AGBL4: variants seen among roughly 807,000 people sequenced by gnomAD.
AGBL4 encodes the protein cytosolic carboxypeptidase 6.
A neutral mutation model predicts 66.4 loss-of-function variants in AGBL4; 58 were observed. That is an observed-to-expected ratio of 0.87 (90% CI 0.71 to 1.09). The LOEUF (loss-of-function observed/expected upper bound fraction) is 1.09. AGBL4 is among the 50% of genes least tolerant of loss of function. The pLI, the probability that AGBL4 is intolerant of heterozygous loss-of-function variation, is 0.00. For synonymous variants in AGBL4, 234 were observed against 222.9 expected (o/e 1.05, Z -0.44); for missense variants, 579 against 631.0 (o/e 0.92, Z 0.88).
At chr1:49,900,041 CA>C (rs201984526) in intron 1 of AGBL4, among the ~76,000 whole-genome samples, 9 of 146,172 alleles carry the variant, frequency 6.2e-5, no homozygotes, top group Non-Finnish European at 9.1e-5. Context: ...GACTCCATCT[CA>C]AAAAAAAAAG....
chr1:49,738,419 G>C (rs1412944741), intron 2 of AGBL4, among the ~76,000 whole-genome samples: 3 of 152,236 alleles, frequency 2.0e-5, no homozygotes, highest in African/African-American at 7.2e-5. Context: ...AGCTCAAACT[G>C]GGTGGAGCCC....
At chr1:48,626,738 C>T (rs1356156572) in intron 9 of AGBL4, among the ~76,000 whole-genome samples, 2 of 152,208 alleles carry the variant, frequency 1.3e-5, no homozygotes, top group African/African-American at 4.8e-5. Flanking sequence ...TACTGCCACA[C>T]AGTTTCAGCT....
intron 9 of AGBL4, among the ~76,000 whole-genome samples, chr1:48,625,539 C>G (rs1202761441): frequency 3.9e-5 from 6 of 152,220 alleles, no homozygotes; most frequent in East Asian, 3.9e-4. Flanking sequence ...TACGTAAAGT[C>G]TATTCTCATA....
chr1:48,632,318 A>G (rs909438465), intron 9 of AGBL4, among the ~76,000 whole-genome samples: 21 of 152,204 alleles, frequency 1.4e-4, no homozygotes. Flanking sequence ...TCATGACGCA[A>G]ATCATTTCCT....
chr1:49,111,269 C>A (rs542475934), intron 4 of AGBL4, among the ~76,000 whole-genome samples: 1 of 152,218 alleles, frequency 6.6e-6, no homozygotes, highest in South Asian at 2.1e-4. Flanking sequence ...CCTGCCACCA[C>A]GCCCGGCTAA....
At chr1:48,869,704 A>C (rs964105138) in intron 5 of AGBL4, among the ~76,000 whole-genome samples, 1 of 152,150 alleles carries the variant, frequency 6.6e-6, no homozygotes, top group Non-Finnish European at 1.5e-5. Context: ...GCAACCAGGT[A>C]GTGTGCTTAC....
At chr1:48,927,863 C>T (rs1654721089) in intron 5 of AGBL4, among the ~76,000 whole-genome samples, 1 of 152,200 alleles carries the variant, frequency 6.6e-6, no homozygotes, top group Non-Finnish European at 1.5e-5. Flanking sequence ...ACTGTCTCTC[C>T]AGGTACTCTT....
intron 5 of AGBL4, among the ~76,000 whole-genome samples, chr1:48,982,100 C>A (rs1659820310): frequency 6.6e-6 from 1 of 152,096 alleles, no homozygotes. Flanking sequence ...TGTTTGGGAC[C>A]CAACAAGTAG....
intron 2 of AGBL4, among the ~76,000 whole-genome samples, chr1:49,831,399 GCTCT>G (rs1470788858): frequency 6.6e-6 from 1 of 152,002 alleles, no homozygotes; most frequent in Non-Finnish European, 1.5e-5. Context: ...TTATGATTTG[GCTCT>G]CTGTTTGTCT....
chr1:49,601,567 A>C (rs1457067828), intron 3 of AGBL4, among the ~76,000 whole-genome samples: 2 of 152,156 alleles, frequency 1.3e-5, no homozygotes, highest in Non-Finnish European at 2.9e-5. Context: ...CAACCATGTG[A>C]TCTGTGACAA....
At chr1:49,528,423 C>T (rs1418072500) in intron 3 of AGBL4, among the ~76,000 whole-genome samples, 2 of 151,776 alleles carry the variant, frequency 1.3e-5, no homozygotes, top group Admixed American at 1.3e-4. Flanking sequence ...TGTTAGTGTC[C>T]CCAACTGTTC....
At chr1:49,109,087 T>C (rs771929033) in intron 4 of AGBL4, among the ~76,000 whole-genome samples, 11 of 152,176 alleles carry the variant, frequency 7.2e-5, no homozygotes, top group Non-Finnish European at 1.5e-4. Flanking sequence ...AAACTTTACC[T>C]AAAGCCCTAT....
At chr1:48,569,889 C>T (rs1294621397) in intron 11 of AGBL4, among the ~76,000 whole-genome samples, 1 of 152,190 alleles carries the variant, frequency 6.6e-6, no homozygotes, top group Non-Finnish European at 1.5e-5. Context: ...TTACCTAGAA[C>T]ATCTTAATCT....
At chr1:49,846,387 C>A (rs1405397207) in intron 2 of AGBL4, 30 of 1,539,932 alleles carry the variant, frequency 1.9e-5, no homozygotes, top group Non-Finnish European at 2.7e-5. Context: ...CACCAGAGAA[C>A]TCACACTGGA....
chr1:49,577,532 G>A (rs2148878931), intron 3 of AGBL4, among the ~76,000 whole-genome samples: 1 of 152,266 alleles, frequency 6.6e-6, no homozygotes, highest in East Asian at 1.9e-4. Context: ...AAAAAGCAGA[G>A]GTTTGTCCTC....
chr1:49,177,949 A>T (rs1031812311), intron 4 of AGBL4, among the ~76,000 whole-genome samples: 14 of 152,190 alleles, frequency 9.2e-5, no homozygotes, highest in African/African-American at 3.4e-4. Flanking sequence ...GCAGGCCTAC[A>T]TCTTCAGGTT....
At chr1:48,646,504 C>A (rs1645837138) in intron 8 of AGBL4, among the ~76,000 whole-genome samples, 1 of 112,280 alleles carries the variant, frequency 8.9e-6, no homozygotes, top group Non-Finnish European at 1.9e-5. Flanking sequence ...GGTAGGTAGA[C>A]CAGTTATAAT....
At chr1:48,629,187 A>G (rs1230049107) in intron 9 of AGBL4, among the ~76,000 whole-genome samples, 1 of 152,172 alleles carries the variant, frequency 6.6e-6, no homozygotes, top group African/African-American at 2.4e-5. Context: ...GCCCATTCAC[A>G]TATGGGCTTA....
At chr1:49,272,249 T>TA (rs910688679) in intron 3 of AGBL4, among the ~76,000 whole-genome samples, 17 of 152,282 alleles carry the variant, frequency 1.1e-4, no homozygotes, top group Middle Eastern at 3.4e-3. Flanking sequence ...TCCTTGATTT[T>TA]AAAAAATCTA....
Sources: gnomAD v4.1 joint callset for allele counts (sites outside exome capture counted in the v4.1 genomes callset) on GRCh38, gnomAD v4.1.1 for gene constraint, MANE v1.5 for transcripts, NCBI Gene and HGNC (gene_info 2026-07-23, HGNC 2026-07-21) for gene names.